ORC2: variants seen among roughly 807,000 people sequenced by gnomAD.
The protein encoded by ORC2 is origin recognition complex protein 2 homolog.
A neutral mutation model predicts 77.7 loss-of-function variants in ORC2; 37 were observed. The observed-to-expected ratio is 0.48, with a 90% CI of 0.37 to 0.63. The LOEUF (loss-of-function observed/expected upper bound fraction) is 0.63. ORC2 is among the 20% of genes least tolerant of loss of function. ORC2 has a pLI of 0.00. For missense variants in ORC2, 557 were observed against 661.9 expected (o/e 0.84, Z 1.74); for synonymous variants, 201 against 229.5 (o/e 0.88, Z 1.12).
intron 5 of ORC2, among the ~76,000 whole-genome samples, chr2:200,947,948 G>A (rs1315252773): frequency 6.6e-6 from 1 of 150,604 alleles, no homozygotes; most frequent in African/African-American, 2.4e-5. Context: ...TCGCTCTGTC[G>A]CCCAGGCTGG....
intron 15 of ORC2, 52 bp downstream of exon 15, chr2:200,920,170 C>T (rs2040730642): frequency 2.8e-6 from 4 of 1,409,228 alleles, no homozygotes; most frequent in Middle Eastern, 2.0e-4. Flanking sequence ...CCTAGTAGTA[C>T]ATATCTTAAA....
At chr2:200,949,792 G>C (rs2041318388) in intron 4 of ORC2, 149 bp from the exon 5 acceptor site, 1 of 450,312 alleles carries the variant, frequency 2.2e-6, no homozygotes. Context: ...GAAATACATA[G>C]TAAAGAAAAC....
At position 200,921,048 on chromosome 2, in the gene ORC2, T is replaced by A; in HGVS notation, c.1239A>T (p.Ser413=). ...EKSQQIIGQL[S]SLHNIYLIAS... ...CTATAAGGTAAATGTTATGCAAAGA[T>A]GACAACTGACCAATGATTTGCTGGC... Residue 413 remains serine (S), a synonymous_variant, in exon 14 of 18, where the codon TCA becomes TCT. Coordinates refer to ENST00000234296, the MANE Select transcript of ORC2 (RefSeq NM_006190.5). 1 of 1,609,428 alleles carries A rather than the reference T, an allele frequency of 6.2e-7. No individual in the cohort carries two copies. The highest frequency in any genetic ancestry group is 1.3e-5 in the African/African-American group (1 of 74,950).
intron 13 of ORC2, among the ~76,000 whole-genome samples, chr2:200,923,030 C>T (rs575306451): frequency 6.6e-6 from 1 of 152,306 alleles, no homozygotes; most frequent in East Asian, 1.9e-4. Context: ...TAGTAATTCA[C>T]TATATGCCCA....
At position 200,935,844 on chromosome 2, in the gene ORC2, GA is replaced by G; in HGVS notation, c.562del (p.Ser188GlnfsTer30). On this transcript the variant is annotated frameshift_variant, in exon 9 of 18. Coordinates refer to ENST00000234296, the MANE Select transcript of ORC2 (RefSeq NM_006190.5). LOFTEE classifies it high-confidence loss of function. ...CTGTGCAACCCCTTCATCATCCTCT[GA>G]GTTGGAAGCAGAATATTCGCTTTCA... ...DSESEYSASN[S>X]EDDEGVAQEH... 1 of 1,613,986 alleles carries G rather than the reference GA, an allele frequency of 6.2e-7. No homozygotes were observed. Among genetic ancestry groups the G allele is most frequent in the Non-Finnish European group, 8.5e-7 (1 of 1,179,970 alleles).
At chr2:200,956,327 T>A (rs912771349) in intron 4 of ORC2, among the ~76,000 whole-genome samples, 1 of 152,124 alleles carries the variant, frequency 6.6e-6, no homozygotes, top group Admixed American at 6.6e-5. Context: ...CCTCCCAGGC[T>A]CAAGTGATCC....
chr2:200,941,171 T>G, intron 7 of ORC2, 77 bp downstream of exon 7: 1 of 1,167,360 alleles, frequency 8.6e-7, no homozygotes, highest in Non-Finnish European at 1.3e-6. Flanking sequence ...ATCAATTTTT[T>G]CATTGAATTT....
rs567206232 is a variant in ORC2, at chr2:200,923,367, G to T, written c.1148-2228C>A. Among the ~76,000 whole-genome samples, 32 of 152,216 alleles carry T rather than the reference G, an allele frequency of 2.1e-4. No individual in the cohort carries two copies. In the South Asian group the frequency reaches 5.6e-3, roughly 27 times the overall value. On this transcript the variant is annotated intron_variant, in intron 13 of 17. Transcript: ENST00000234296. ...AGGTTCAAGCGATTCTCCTGTCTCA[G>T]CCTCCCGACTAGCTGGGATTACAGG...
intron 13 of ORC2, among the ~76,000 whole-genome samples, chr2:200,925,266 G>A (rs1283687893): frequency 6.6e-6 from 1 of 151,964 alleles, no homozygotes; most frequent in Non-Finnish European, 1.5e-5. Context: ...GGCGGAGGTT[G>A]CAGTGAGCCA....
rs776499843 is a variant in ORC2 at position 200,949,616 on chromosome 2, C to A, written c.266G>T (p.Gly89Val). The change falls in exon 5 of 18, where the codon GGT becomes GTT. Residue 89 changes from glycine to valine, a missense_variant. Transcript: ENST00000234296. The part of the protein sequence containing the change: ...QESLKNGSAT[G>V]GGNKVYSFQN... ...AAAAGAATAAACTTTATTTCCACCA[C>A]CTGTAGCAGAGCCATTTTTCAATGA... 1.3e-6 allele frequency: 2 copies of A among 1,599,934 alleles called. No individual in the cohort carries two copies. The highest frequency in any genetic ancestry group is 2.2e-5 in the East Asian group (1 of 44,562).
At position 200,918,394 on chromosome 2, in the gene ORC2, A is replaced by G. The variant is rs576599373; in HGVS notation, c.1466+1828T>C. Among the ~76,000 whole-genome samples the G allele has an allele frequency of 9.9e-5, 15 of 152,230 alleles. No homozygotes were observed. In the East Asian group the frequency reaches 2.9e-3, roughly 29 times the overall value. On this transcript the variant is annotated intron_variant, in intron 15 of 17. Coordinates refer to ENST00000234296, the MANE Select transcript of ORC2 (RefSeq NM_006190.5). ...AGGAAAGAGTGAGAAGTATTATGCCATCTTGACCACAAGTGTCCCTTCATT... is the reference window on the plus strand; with the variant it reads ...AGGAAAGAGTGAGAAGTATTATGCCGTCTTGACCACAAGTGTCCCTTCATT...
intron 3 of ORC2, among the ~76,000 whole-genome samples, 191 bp from the exon 4 acceptor site, chr2:200,957,735 A>G (rs1376738864): frequency 6.6e-6 from 1 of 151,830 alleles, no homozygotes; most frequent in Non-Finnish European, 1.5e-5. Context: ...AACACACACA[A>G]TCTTGAAAGT....
At chr2:200,960,394 C>A (rs1303907453) in intron 1 of ORC2, among the ~76,000 whole-genome samples, 1 of 152,126 alleles carries the variant, frequency 6.6e-6, no homozygotes, top group African/African-American at 2.4e-5. Context: ...TCATCTATAA[C>A]TTATGACCAT....
At chr2:200,915,003 C>CTTTTTTTTTTTT (rs1158807101) in intron 15 of ORC2, among the ~76,000 whole-genome samples, 2 of 65,270 alleles carry the variant, frequency 3.1e-5, no homozygotes, top group African/African-American at 6.4e-5. Context: ...CTTCCCACGT[C>CTTTTTTTTTTTT]TTTTTTTTTT....
rs1231627126 is a variant in ORC2 at position 200,941,615 on chromosome 2, A to G, written c.422-336T>C. On this transcript the variant is annotated intron_variant, in intron 6 of 17. Coordinates refer to ENST00000234296, the MANE Select transcript of ORC2 (RefSeq NM_006190.5). ...ATCACTATTAGTTTCATGATTACTC[A>G]CATTTTTAACAGCTACTTCCTGCAT... Among the ~76,000 whole-genome samples, 3 of 152,072 alleles carry G rather than the reference A, an allele frequency of 2.0e-5. No individual in the cohort carries two copies. In the South Asian group the frequency reaches 6.2e-4, roughly 32 times the overall value.
chr2:200,960,170 G>A (rs2041545960), intron 1 of ORC2, among the ~76,000 whole-genome samples: 1 of 151,644 alleles, frequency 6.6e-6, no homozygotes, highest in South Asian at 2.1e-4. Flanking sequence ...TAGAAATGAG[G>A]TTTCACCATG....
At position 200,949,559 on chromosome 2, in the gene ORC2, T is replaced by C; in HGVS notation, c.323A>G (p.Lys108Arg). The change falls in exon 5 of 18, where the codon AAA (lysine) becomes AGA (arginine). Residue 108 changes from lysine to arginine, a missense_variant. Coordinates refer to ENST00000234296, the MANE Select transcript of ORC2 (RefSeq NM_006190.5). ...AAATCAGAAAAGCAACATACCTAATTTAGCCATCTTTTCAGAGTGTTTTCT... is the reference window on the plus strand; with the variant it reads ...AAATCAGAAAAGCAACATACCTAATCTAGCCATCTTTTCAGAGTGTTTTCT... ...QNRKHSEKMA[K>R]LASELAKTPQ... The C allele has an allele frequency of 6.5e-7, 1 of 1,540,968 alleles. No homozygotes were observed. The highest frequency in any genetic ancestry group is 9.0e-7 in the Non-Finnish European group (1 of 1,116,606).
At chr2:200,933,734 A>G in intron 10 of ORC2, 142 bp downstream of exon 10, 1 of 509,186 alleles carries the variant, frequency 2.0e-6, no homozygotes, top group East Asian at 3.1e-5. Context: ...ATAATAAAAG[A>G]AGTAATAATC....
intron 4 of ORC2, among the ~76,000 whole-genome samples, chr2:200,951,105 G>A (rs944713936): frequency 1.3e-5 from 2 of 152,164 alleles, no homozygotes; most frequent in Non-Finnish European, 2.9e-5. Flanking sequence ...ATGTCATATA[G>A]TTGGAATCAT....
Sources: gnomAD v4.1 joint callset for allele counts (sites outside exome capture counted in the v4.1 genomes callset) on GRCh38, gnomAD v4.1.1 for gene constraint, MANE v1.5 for transcripts, NCBI Gene and HGNC (gene_info 2026-07-23, HGNC 2026-07-21) for gene names.